Variants in B3GLCT observed in about 807,000 individuals in gnomAD.
B3GLCT encodes the protein beta 3-glucosyltransferase.
B3GLCT carries 65 observed loss-of-function variants against 63.4 expected under a neutral mutation model. The ratio of observed to expected loss-of-function variants is 1.03; its 90% CI spans 0.84 to 1.26. The LOEUF (loss-of-function observed/expected upper bound fraction) is 1.26. Among genes scored for constraint, B3GLCT ranks in the 50% most tolerant of loss-of-function variants. The pLI is 0.00. For missense variants in B3GLCT, 577 were observed against 604.8 expected, an observed-to-expected ratio of 0.95 and a Z score of 0.48; for synonymous variants, 233 against 219.2, an observed-to-expected ratio of 1.06 and a Z score of -0.55.
chr13:31,245,833 C>T (rs1768359581), intron 4 of B3GLCT, among the ~76,000 whole-genome samples: 1 of 152,140 alleles, frequency 6.6e-6, no homozygotes, highest in African/African-American at 2.4e-5. Context: ...TCAGAAGTAA[C>T]AGTAGGAAGG....
intron 12 of B3GLCT, among the ~76,000 whole-genome samples, chr13:31,300,219 G>A (rs1340018932): frequency 6.6e-6 from 1 of 152,076 alleles, no homozygotes; most frequent in African/African-American, 2.4e-5. Flanking sequence ...GAGTCCCTCT[G>A]TTTGTGAGGA....
At chr13:31,317,768 T>A in intron 13 of B3GLCT, 83 bp downstream of exon 13, 1 of 1,551,140 alleles carries the variant, frequency 6.4e-7, no homozygotes, top group Non-Finnish European at 8.9e-7. Context: ...GGCACTGGGA[T>A]CTATACTGTA....
intron 4 of B3GLCT, among the ~76,000 whole-genome samples, chr13:31,242,937 T>C (rs1871026415): frequency 6.6e-6 from 1 of 152,208 alleles, no homozygotes; most frequent in Non-Finnish European, 1.5e-5. Flanking sequence ...CTGGGGGCCA[T>C]AAATGAATAC....
At chr13:31,317,060 C>T (rs751662160) in intron 12 of B3GLCT, among the ~76,000 whole-genome samples, 5 of 152,246 alleles carry the variant, frequency 3.3e-5, no homozygotes, top group African/African-American at 1.2e-4. Flanking sequence ...GATAGCCTCA[C>T]TGCCCAAATT....
At chr13:31,260,773 T>A (rs1871984904) in intron 6 of B3GLCT, among the ~76,000 whole-genome samples, 173 bp from the exon 7 acceptor site, 1 of 152,238 alleles carries the variant, frequency 6.6e-6, no homozygotes, top group African/African-American at 2.4e-5. Context: ...ATATTCATTA[T>A]CATACTAGTG....
At chr13:31,264,229 A>T (rs935619503) in intron 7 of B3GLCT, among the ~76,000 whole-genome samples, 2 of 152,180 alleles carry the variant, frequency 1.3e-5, no homozygotes, top group African/African-American at 2.4e-5. Context: ...ACAAACATTC[A>T]GACCATAGTA....
chr13:31,237,822 G>A (rs1020010856), intron 4 of B3GLCT, among the ~76,000 whole-genome samples: 2 of 152,170 alleles, frequency 1.3e-5, no homozygotes, highest in African/African-American at 2.4e-5. Flanking sequence ...GCTTGGTGTG[G>A]CAGGTATGCA....
chr13:31,300,760 A>G (rs925010651), intron 12 of B3GLCT, among the ~76,000 whole-genome samples: 2 of 152,212 alleles, frequency 1.3e-5, no homozygotes, highest in Admixed American at 1.3e-4. Context: ...AACGTTATCT[A>G]TAGGAGCAAT....
At chr13:31,264,155 A>G (rs1301333888) in intron 7 of B3GLCT, among the ~76,000 whole-genome samples, 1 of 151,972 alleles carries the variant, frequency 6.6e-6, no homozygotes, top group Non-Finnish European at 1.5e-5. Flanking sequence ...CCTCCCAAAG[A>G]CCCTGCCTCC....
At chr13:31,276,646 G>C in intron 9 of B3GLCT, 56 bp from the exon 10 acceptor site, 1 of 1,049,020 alleles carries the variant, frequency 9.5e-7, no homozygotes, top group Non-Finnish European at 1.5e-6. Flanking sequence ...TCTAGTGTGG[G>C]TGTGAAGTTA....
intron 3 of B3GLCT, among the ~76,000 whole-genome samples, chr13:31,226,148 C>T (rs1870091619): frequency 6.6e-6 from 1 of 152,162 alleles, no homozygotes; most frequent in Admixed American, 6.5e-5. Context: ...CTTGCACTCG[C>T]CCCCGATTGT....
At chr13:31,256,911 TA>T (rs35174736) in intron 6 of B3GLCT, among the ~76,000 whole-genome samples, 50,653 of 146,658 alleles carry the variant, frequency 0.35, 9,180 homozygotes, top group East Asian at 0.72. Flanking sequence ...CCCCAGAACT[TA>T]AAAAAAAAAA....
chr13:31,250,949 C>T (rs1472341732), intron 6 of B3GLCT, among the ~76,000 whole-genome samples: 3 of 152,170 alleles, frequency 2.0e-5, no homozygotes, highest in East Asian at 1.9e-4. Context: ...CCGACAGACA[C>T]CTCATACAGG....
intron 7 of B3GLCT, among the ~76,000 whole-genome samples, chr13:31,265,255 T>G (rs554430117): frequency 1.4e-3 from 216 of 152,342 alleles, no homozygotes; most frequent in Admixed American, 3.9e-3. Context: ...CATTGATTAT[T>G]CTGGCTGGCC....
intron 1 of B3GLCT, among the ~76,000 whole-genome samples, chr13:31,200,672 C>T (rs958665044): frequency 6.6e-6 from 1 of 151,948 alleles, no homozygotes; most frequent in African/African-American, 2.4e-5. Flanking sequence ...CCTGTTCGAC[C>T]CCCGGGGGCG....
intron 6 of B3GLCT, among the ~76,000 whole-genome samples, chr13:31,251,723 A>C (rs780440771): frequency 6.6e-5 from 10 of 152,248 alleles, no homozygotes; most frequent in Non-Finnish European, 1.3e-4. Context: ...CTGTGTGAAA[A>C]GACCAAATCT....
chr13:31,310,507 A>T (rs1187002177), intron 12 of B3GLCT, among the ~76,000 whole-genome samples: 2 of 152,144 alleles, frequency 1.3e-5, no homozygotes, highest in Non-Finnish European at 2.9e-5. Context: ...AGACCTCAGG[A>T]TTCCCTGAGC....
At chr13:31,251,451 A>T (rs1347609586) in intron 6 of B3GLCT, among the ~76,000 whole-genome samples, 4 of 152,224 alleles carry the variant, frequency 2.6e-5, no homozygotes, top group African/African-American at 4.8e-5. Flanking sequence ...ACCCAGTGCA[A>T]GGAAGCTAAG....
chr13:31,247,035 GT>G lies in B3GLCT; in HGVS notation c.284del (p.Val95AlafsTer25). On this transcript the variant is annotated frameshift_variant, in exon 5 of 15. Transcript: ENST00000343307. LOFTEE classifies it high-confidence loss of function. ...ATTGTTTTCTCAGGAGCTCCCCAGT[GT>G]CCTCCTCCTTCATCAGCTGGCTAAA... is the stretch of plus-strand genomic sequence containing the variant. Reference protein sequence around the residue: ...AADLTQELPSVLLLHQLAKQE... With the variant: ...AADLTQELPSXLLLHQLAKQE... 1 of 1,606,546 alleles carries G rather than the reference GT, an allele frequency of 6.2e-7. No individual in the cohort carries two copies. The highest frequency in any genetic ancestry group is 8.5e-7 in the Non-Finnish European group (1 of 1,178,478).
Sources: gnomAD v4.1 joint callset for allele counts (sites outside exome capture counted in the v4.1 genomes callset) on GRCh38, gnomAD v4.1.1 for gene constraint, MANE v1.5 for transcripts, NCBI Gene and HGNC (gene_info 2026-07-23, HGNC 2026-07-21) for gene names.